TBC1D10B: variants seen among roughly 807,000 people sequenced by gnomAD.
The protein encoded by TBC1D10B is TBC1 domain family member 10B, also known as Rab27A-GAPbeta.
Under a neutral mutation model 78.4 loss-of-function variants are expected in TBC1D10B, and 25 were observed. That is an observed-to-expected ratio of 0.32 (90% CI 0.23 to 0.45). The LOEUF is 0.45. Ranked by LOEUF, TBC1D10B falls within the 20% of genes least tolerant of loss-of-function variation. The pLI, the probability that TBC1D10B is intolerant of heterozygous loss-of-function variation, is 1.00. For synonymous variants in TBC1D10B, 517 were observed against 478.0 expected (o/e 1.08, Z -1.06); for missense variants, 996 against 1,104.8 (o/e 0.90, Z 1.40).
chr16:30,360,223 C>A (rs1415360816), intron 4 of TBC1D10B: 1 of 184,570 alleles, frequency 5.4e-6, no homozygotes, highest in Non-Finnish European at 1.1e-5. Context: ...CCTGCCTTAT[C>A]GGTCTCACTG....
chr16:30,359,445 G>A, intron 6 of TBC1D10B, 84 bp from the exon 7 acceptor site: 1 of 1,546,124 alleles, frequency 6.5e-7, no homozygotes, highest in Non-Finnish European at 8.8e-7. Flanking sequence ...GTGGGCAGAA[G>A]CCGGGAAGGC....
Position 30,370,280 on chromosome 16 carries a change from G to A in TBC1D10B, c.-97C>T, listed in dbSNP as rs1351505615. The A allele has an allele frequency of 1.6e-6, 1 of 613,268 alleles. No individual in the cohort carries two copies. Among genetic ancestry groups the A allele is most frequent in the Admixed American group, 5.4e-5 (1 of 18,524 alleles). The allele number at this position is 613,268 out of a possible 1,614,324, so 38.0% of individuals were successfully genotyped here. A position where few individuals can be genotyped will look rare whatever the true frequency, so the allele number is the denominator to read the frequency against. On this transcript the variant is annotated 5_prime_UTR_variant, in exon 1 of 9. Coordinates refer to ENST00000409939, the MANE Select transcript of TBC1D10B (RefSeq NM_015527.4). ...GAGGCCAGCCGAGAAAGGGGAGAGGGCGAAGGGCGCGGCTCGGCGCGCGCC... is the reference window on the plus strand; with the variant it reads ...GAGGCCAGCCGAGAAAGGGGAGAGGACGAAGGGCGCGGCTCGGCGCGCGCC...
intron 1 of TBC1D10B, among the ~76,000 whole-genome samples, chr16:30,368,340 G>C (rs961327915): frequency 3.9e-5 from 6 of 152,156 alleles, no homozygotes; most frequent in African/African-American, 1.2e-4. Context: ...GGCTAAACCC[G>C]AGGTCTTCTA....
At chr16:30,359,647 C>T (rs773664870) in intron 5 of TBC1D10B, 44 bp from the exon 6 acceptor site, 2 of 1,554,018 alleles carry the variant, frequency 1.3e-6, no homozygotes, top group African/African-American at 1.4e-5. Flanking sequence ...GCCTGAGAAG[C>T]AGGGAGCAGG....
intron 4 of TBC1D10B, among the ~76,000 whole-genome samples, chr16:30,360,935 T>C (rs1274904018): frequency 1.3e-5 from 2 of 151,160 alleles, no homozygotes; most frequent in Non-Finnish European, 2.9e-5. Flanking sequence ...TATCAATTTC[T>C]CTCTCCACCG....
intron 4 of TBC1D10B, among the ~76,000 whole-genome samples, chr16:30,362,140 C>T (rs1220403056): frequency 6.6e-6 from 1 of 152,034 alleles, no homozygotes; most frequent in Non-Finnish European, 1.5e-5. Flanking sequence ...TGGGCCACCA[C>T]GCCTGGCCTT....
intron 4 of TBC1D10B, among the ~76,000 whole-genome samples, chr16:30,363,911 T>C (rs374722582): frequency 1.9e-4 from 29 of 151,618 alleles, no homozygotes; most frequent in African/African-American, 6.0e-4. Flanking sequence ...AGGTCAGGAG[T>C]TCGAGACCAG....
chr16:30,362,504 T>G (rs2049605738), intron 4 of TBC1D10B, among the ~76,000 whole-genome samples: 1 of 151,140 alleles, frequency 6.6e-6, no homozygotes. Context: ...CTTCCCATTC[T>G]CAAACTATTG....
intron 4 of TBC1D10B, among the ~76,000 whole-genome samples, chr16:30,364,206 C>T (rs1596987732): frequency 6.6e-6 from 1 of 151,866 alleles, no homozygotes; most frequent in East Asian, 1.9e-4. Flanking sequence ...TTTGGGAGGT[C>T]AAGGCGGGCA....
chr16:30,364,540 G>C (rs550298309), intron 4 of TBC1D10B, among the ~76,000 whole-genome samples: 1 of 152,266 alleles, frequency 6.6e-6, no homozygotes, highest in South Asian at 2.1e-4. Flanking sequence ...AGGAAGCTTG[G>C]TCTATAGAAC....
In TBC1D10B at chr16:30,365,812, T is replaced by A; in HGVS notation, c.957-218A>T. The A allele has an allele frequency of 1.8e-6, 1 of 540,910 alleles. No homozygotes were observed. Among genetic ancestry groups the A allele is most frequent in the East Asian group, 3.2e-5 (1 of 31,690 alleles). 33.5% of individuals were successfully genotyped at this position (540,910 alleles called of 1,614,324 possible). On this transcript the variant is annotated intron_variant, in intron 1 of 8. Transcript: ENST00000409939. This position sits in a 1 kb window ranked among gnomAD's most constrained non-coding sequence, Gnocchi z 5.0. ...TCTATTCAGAGGTCATATTTAAATC[T>A]CACTTCTGACACATCCAAATCTGGG...
rs1428333270 is a variant in TBC1D10B, at chr16:30,369,839, C to T, written c.345G>A (p.Ala115=). 5.0e-6 allele frequency: 7 copies of T among 1,406,902 alleles called. No homozygotes were observed. Among genetic ancestry groups the T allele is most frequent in the Non-Finnish European group, 6.5e-6 (7 of 1,082,428 alleles). The allele number at this position is 1,406,902 out of a possible 1,614,324, so 87.2% of individuals were successfully genotyped here. ...LPSGPESPEP[A]AVAGVETSRA... is the part of the protein sequence containing the mutation. ...TCGATGTCTCAACTCCAGCCACTGC[C>T]GCGGGCTCTGGGGATTCCGGGCCGG... The change falls in exon 1 of 9, where the codon GCG becomes GCA. Residue 115 remains alanine, a synonymous_variant. Transcript: ENST00000409939. This position sits in a 1 kb window ranked among gnomAD's most constrained non-coding sequence, Gnocchi z 4.3.
At position 30,359,594 on chromosome 16, in the gene TBC1D10B, A is replaced by T; in HGVS notation, c.1396T>A (p.Trp466Arg). 1 of 1,561,782 alleles carries T rather than the reference A, an allele frequency of 6.4e-7. No homozygotes were observed. ...LMHMPAEQAF[W>R]CLVQICDKYL... The stretch of plus-strand genomic sequence containing the variant: ...TTGTCGCAGATCTGCACCAGGCACC[A>T]AAAGGCTTGCTGAGAAGAGCAAGAA... Residue 466 changes from tryptophan (W) to arginine (R), a missense_variant, in exon 6 of 9, where the codon TGG becomes AGG. By Grantham distance (101) the Trp-to-Arg change is moderately radical. This residue lies in a region of TBC1D10B where 168 missense variants were observed against 238.7 expected (regional missense o/e 0.70). Coordinates refer to ENST00000409939, the MANE Select transcript of TBC1D10B (RefSeq NM_015527.4).
chr16:30,358,896 C>G (rs1011518232), intron 7 of TBC1D10B, 79 bp from the exon 8 acceptor site: 2 of 1,467,326 alleles, frequency 1.4e-6, no homozygotes, highest in African/African-American at 2.8e-5. Context: ...AGACTCACAG[C>G]CCCCATCCCC....
Position 30,365,474 on chromosome 16 carries a change from C to CCCA in TBC1D10B, c.1056+18_1056+20dup, listed in dbSNP as rs759477747. Reference sequence around the variant, plus strand: ...CCCTCCCAACTTGTGCATTGCCCTGCCCACCATTCAGCCCTCAAACCTTCT... The same window carrying CCCA: ...CCCTCCCAACTTGTGCATTGCCCTGCCCACCACCATTCAGCCCTCAAACCTTCT... On this transcript the variant is annotated intron_variant, in intron 2 of 8. Coordinates refer to ENST00000409939, the MANE Select transcript of TBC1D10B (RefSeq NM_015527.4). The surrounding 1 kb of genome is among the most constrained non-coding windows in gnomAD (Gnocchi z 5.0). 5.0e-6 allele frequency: 8 copies of CCCA among 1,613,102 alleles called. No homozygotes were observed. Among genetic ancestry groups the CCCA allele is most frequent in the Non-Finnish European group, 6.8e-6 (8 of 1,179,028 alleles).
At chr16:30,358,843 T>C (rs772818719) in intron 7 of TBC1D10B, 26 bp from the exon 8 acceptor site, 8 of 1,585,752 alleles carry the variant, frequency 5.0e-6, no homozygotes, top group Non-Finnish European at 6.9e-6. Context: ...GTAGAGAGCA[T>C]GGGGTGGTCA....
chr16:30,364,123 A>T, intron 4 of TBC1D10B, among the ~76,000 whole-genome samples: 1 of 151,474 alleles, frequency 6.6e-6, no homozygotes, highest in African/African-American at 2.4e-5. Context: ...ATCTCAAAAA[A>T]AAAAAAAAAG....
rs1447872028 is a variant in TBC1D10B at position 30,370,306 on chromosome 16, G to A, written c.-123C>T. 2.4e-6 allele frequency: 1 copy of A among 409,032 alleles called. No individual in the cohort carries two copies. The highest frequency in any genetic ancestry group is 1.0e-3 in the Middle Eastern group (1 of 1,000). The allele number at this position is 409,032 out of a possible 1,614,324, so 25.3% of individuals were successfully genotyped here. ...CGAAGGGCGCGGCTCGGCGCGCGCC[G>A]GGGGCGGAGCGGCCGCTGGGCGCGC... On this transcript the variant is annotated 5_prime_UTR_variant, in exon 1 of 9. Coordinates refer to ENST00000409939, the MANE Select transcript of TBC1D10B (RefSeq NM_015527.4).
intron 4 of TBC1D10B, among the ~76,000 whole-genome samples, chr16:30,362,718 T>A (rs1231237356): frequency 6.6e-6 from 1 of 152,198 alleles, no homozygotes; most frequent in Admixed American, 6.5e-5. Flanking sequence ...TACATCTCTA[T>A]CTAGAGGTCC....
Sources: gnomAD v4.1 joint callset for allele counts (sites outside exome capture counted in the v4.1 genomes callset) on GRCh38, gnomAD v4.1.1 for gene constraint, gnomAD v4.1.1 regional missense constraint, Gnocchi (gnomAD v3.1) non-coding constraint, MANE v1.5 for transcripts, NCBI Gene and HGNC (gene_info 2026-07-23, HGNC 2026-07-21) for gene names.